EDNRB: variants seen among roughly 807,000 people sequenced by gnomAD.
The protein encoded by EDNRB is endothelin receptor type B, also known as Hirschsprung disease 2.
Under a neutral mutation model 46.4 loss-of-function variants are expected in EDNRB, and 18 were observed. The ratio of observed to expected loss-of-function variants is 0.39; its 90% CI spans 0.27 to 0.57. The LOEUF (loss-of-function observed/expected upper bound fraction) is 0.57, where lower values mean the gene tolerates loss of function less well. EDNRB is among the 20% of genes least tolerant of loss of function. The pLI is 0.61. For missense variants in EDNRB, 434 were observed against 537.5 expected (o/e 0.81, Z 1.90); for synonymous variants, 213 against 204.9 (o/e 1.04, Z -0.34).
At chr13:77,954,488 ATTT>A (rs1421668326) in intron 1 of EDNRB, among the ~76,000 whole-genome samples, 1 of 131,126 alleles carries the variant, frequency 7.6e-6, no homozygotes, top group Non-Finnish European at 1.6e-5. Context: ...GTATTTATTT[ATTT>A]ATTTATTTAT....
intron 1 of EDNRB, among the ~76,000 whole-genome samples, chr13:77,968,668 AG>A (rs1475476543): frequency 1.3e-5 from 2 of 152,042 alleles, no homozygotes; most frequent in African/African-American, 2.4e-5. Context: ...GCTACGGATG[AG>A]GGGTAGGTAA....
chr13:77,919,658 T>G (rs200240512), upstream of EDNRB: 86 of 1,538,668 alleles, frequency 5.6e-5, no homozygotes, highest in Non-Finnish European at 7.4e-5. Flanking sequence ...TCCCGCGCCT[T>G]CCGACCCCGC....
At chr13:77,920,268 A>T (rs1880038554), upstream of EDNRB, among the ~76,000 whole-genome samples, 1 of 152,216 alleles carries the variant, frequency 6.6e-6, no homozygotes, top group African/African-American at 2.4e-5. Context: ...AGAGCAATAC[A>T]ATAAGGTCTT....
intron 1 of EDNRB, among the ~76,000 whole-genome samples, chr13:77,958,366 T>G (rs886426966): frequency 6.7e-6 from 1 of 149,164 alleles, no homozygotes; most frequent in African/African-American, 2.5e-5. Context: ...ATTTATTTAT[T>G]TATTTATTTA....
At chr13:77,913,407 T>C (rs1212445174) in intron 1 of EDNRB, among the ~76,000 whole-genome samples, 1 of 152,180 alleles carries the variant, frequency 6.6e-6, no homozygotes, top group African/African-American at 2.4e-5. Context: ...ACCAGCCTAA[T>C]TTCTAGCTCT....
intron 1 of EDNRB, among the ~76,000 whole-genome samples, chr13:77,936,342 C>T (rs371879313): frequency 1.3e-5 from 2 of 152,104 alleles, no homozygotes; most frequent in East Asian, 3.9e-4. Flanking sequence ...AAAAGGAGTG[C>T]TTAAAAGAGT....
intron 1 of EDNRB, 57 bp from the exon 2 acceptor site, chr13:77,903,664 T>G (rs34576965): frequency 2.8e-4 from 400 of 1,429,752 alleles, no homozygotes; most frequent in Non-Finnish European, 3.7e-4. Flanking sequence ...CCCTCTGAAT[T>G]GTATCACTTA....
At chr13:77,928,088 T>C (rs1880289960) in intron 1 of EDNRB, among the ~76,000 whole-genome samples, 1 of 152,200 alleles carries the variant, frequency 6.6e-6, no homozygotes, top group Non-Finnish European at 1.5e-5. Flanking sequence ...CTTTACTTTA[T>C]AAATTACCCA....
At chr13:77,928,447 A>G (rs781564384) in intron 1 of EDNRB, among the ~76,000 whole-genome samples, 2 of 152,144 alleles carry the variant, frequency 1.3e-5, no homozygotes, top group African/African-American at 2.4e-5. Flanking sequence ...ATATTTTTTC[A>G]TGATACTATT....
At chr13:77,970,511 C>T (rs950318737) in intron 1 of EDNRB, among the ~76,000 whole-genome samples, 10 of 152,078 alleles carry the variant, frequency 6.6e-5, no homozygotes, top group East Asian at 1.9e-4. Context: ...GGTCTGGTAT[C>T]CTTATGAGCC....
intron 1 of EDNRB, among the ~76,000 whole-genome samples, chr13:77,954,426 T>G (rs1881175297): frequency 6.6e-6 from 1 of 152,098 alleles, no homozygotes; most frequent in African/African-American, 2.4e-5. Flanking sequence ...GGATAATGTC[T>G]TCCAGATTCA....
chr13:77,933,565 G>A (rs935617289), intron 1 of EDNRB, among the ~76,000 whole-genome samples: 4 of 152,148 alleles, frequency 2.6e-5, no homozygotes, highest in African/African-American at 4.8e-5. Flanking sequence ...GCAGGAACTG[G>A]CCATCTGGAT....
At chr13:77,932,857 ATCTC>A (rs1236513413) in intron 1 of EDNRB, among the ~76,000 whole-genome samples, 2 of 152,212 alleles carry the variant, frequency 1.3e-5, no homozygotes, top group Non-Finnish European at 2.9e-5. Flanking sequence ...TTCAATTCAA[ATCTC>A]TCTAAGATTA....
chr13:77,908,778 G>A (rs1034601599), intron 1 of EDNRB, among the ~76,000 whole-genome samples: 1 of 151,882 alleles, frequency 6.6e-6, no homozygotes, highest in Non-Finnish European at 1.5e-5. Flanking sequence ...TAATCAAAAG[G>A]CTGTCTCTCT....
chr13:77,904,142 A>G (rs1321892350), intron 1 of EDNRB, among the ~76,000 whole-genome samples: 1 of 151,888 alleles, frequency 6.6e-6, no homozygotes, highest in Non-Finnish European at 1.5e-5. Flanking sequence ...GCTCAAACAC[A>G]CCAGGCACAT....
intron 1 of EDNRB, among the ~76,000 whole-genome samples, chr13:77,940,831 G>A (rs1239445743): frequency 6.6e-6 from 1 of 152,110 alleles, no homozygotes; most frequent in African/African-American, 2.4e-5. Context: ...TTGAAGGGGA[G>A]ATGGAAGGAG....
chr13:77,929,104 G>A (rs1217340051), intron 1 of EDNRB, among the ~76,000 whole-genome samples: 2 of 152,110 alleles, frequency 1.3e-5, no homozygotes, highest in African/African-American at 2.4e-5. Flanking sequence ...TCACTCTGCT[G>A]CTTGTTATGA....
intron 1 of EDNRB, among the ~76,000 whole-genome samples, chr13:77,957,736 G>T (rs12427574): frequency 2.6e-5 from 4 of 152,142 alleles, no homozygotes; most frequent in Admixed American, 2.6e-4. Context: ...ATGTGGTTTT[G>T]TTCTTGTCCA....
intron 1 of EDNRB, among the ~76,000 whole-genome samples, chr13:77,944,293 ACAT>A: frequency 6.6e-6 from 1 of 152,098 alleles, no homozygotes; most frequent in East Asian, 1.9e-4. Context: ...AACCAATCTA[ACAT>A]AAGGGCCTGG....
Sources: allele counts gnomAD v4.1 joint callset (sites outside exome capture counted in the v4.1 genomes callset), GRCh38; gene constraint gnomAD v4.1.1; transcripts MANE v1.5; gene names NCBI Gene and HGNC (gene_info 2026-07-23, HGNC 2026-07-21).